The following ZFAT variants were observed in gnomAD, a reference collection of about 807,000 sequenced individuals.
ZFAT encodes zinc finger and AT-hook domain containing.
In ZFAT, 64 loss-of-function variants were observed where a neutral mutation model predicts 117.7. That is an observed-to-expected ratio of 0.54 (90% confidence interval 0.44 to 0.67). ZFAT has a LOEUF of 0.67. ZFAT is among the 30% of genes least tolerant of loss of function. The pLI, the probability that ZFAT is intolerant of heterozygous loss-of-function variation, is 0.00. For synonymous variants in ZFAT, 679 were observed against 615.0 expected (o/e 1.10, Z -1.54); for missense variants, 1,433 against 1,584.5 (o/e 0.90, Z 1.62).
At chr8:134,828,683 T>C in the ZFAT span, among the ~76,000 whole-genome samples, 1 of 152,240 alleles carries the variant, frequency 6.6e-6, no homozygotes, top group South Asian at 2.1e-4. Context: ...ATTCCTTTTT[T>C]TTCTACATAA....
At chr8:134,572,898 C>T (rs918001497) in intron 10 of ZFAT, among the ~76,000 whole-genome samples, 3 of 152,004 alleles carry the variant, frequency 2.0e-5, no homozygotes, top group African/African-American at 7.3e-5. Context: ...TTATTTGACC[C>T]ACAGGCCCAG....
chr8:134,676,492 T>C (rs1477363430), intron 1 of ZFAT, among the ~76,000 whole-genome samples: 1 of 152,110 alleles, frequency 6.6e-6, no homozygotes, highest in Non-Finnish European at 1.5e-5. Context: ...CACACAGTAA[T>C]AGTGGGAAAC....
intron 3 of ZFAT, among the ~76,000 whole-genome samples, chr8:134,613,231 A>T (rs937103371): frequency 5.3e-5 from 8 of 152,232 alleles, no homozygotes; most frequent in African/African-American, 1.7e-4. Flanking sequence ...TGAGAATTAG[A>T]ACTTGCCAGA....
chr8:134,737,300 ATAAAAAT>A, the ZFAT span, among the ~76,000 whole-genome samples: 801 of 122,202 alleles, frequency 6.6e-3, 5 homozygotes, highest in African/African-American at 0.023. Flanking sequence ...GAAAATAAAA[ATAAAAAT>A]AAAAAAATAA....
intron 1 of ZFAT, among the ~76,000 whole-genome samples, chr8:134,676,233 G>T (rs185003880): frequency 3.3e-4 from 28 of 85,902 alleles, no homozygotes; most frequent in African/African-American, 1.1e-3. Context: ...GATGGAGGAA[G>T]ATCTACCAAG....
the ZFAT span, among the ~76,000 whole-genome samples, chr8:134,800,829 C>T: frequency 6.8e-4 from 104 of 152,152 alleles, 1 homozygote; most frequent in East Asian, 0.017. Flanking sequence ...ACTACAGGCA[C>T]GCTACTATGC....
chr8:134,800,383 T>C, the ZFAT span: 1 of 390,838 alleles, frequency 2.6e-6, no homozygotes, highest in Non-Finnish European at 5.0e-6. Context: ...AGCTAGACAA[T>C]TAACACACTT....
chr8:134,533,865 C>A (rs1343597489), intron 11 of ZFAT, among the ~76,000 whole-genome samples: 1 of 152,214 alleles, frequency 6.6e-6, no homozygotes, highest in Non-Finnish European at 1.5e-5. Context: ...ATGGGCATCT[C>A]CATCACTGTC....
At chr8:134,806,999 A>G in the ZFAT span, among the ~76,000 whole-genome samples, 1 of 152,160 alleles carries the variant, frequency 6.6e-6, no homozygotes, top group Non-Finnish European at 1.5e-5. Context: ...TTGCGGGTCA[A>G]TTTTCTATCA....
rs187541215 is a variant in ZFAT, at chr8:134,617,791, G to A, written c.449-7136C>T. 2.6e-5 allele frequency among the ~76,000 whole-genome samples: 4 copies of A among 152,264 alleles called. No individual in the cohort carries two copies. In the East Asian group the frequency reaches 7.7e-4, roughly 29 times the overall value. ...CCCTCTGAGCTGCCGTAAACCACAG[G>A]CTTGATTCACTAAATTGCAGATAGT... On this transcript the variant is annotated intron_variant, in intron 3 of 15. Transcript: ENST00000377838.
At chr8:134,658,103 C>G (rs560765722) in intron 1 of ZFAT, among the ~76,000 whole-genome samples, 1 of 152,128 alleles carries the variant, frequency 6.6e-6, no homozygotes, top group African/African-American at 2.4e-5. Context: ...TTTGGGAGGC[C>G]GAGGCGGGCG....
intron 10 of ZFAT, among the ~76,000 whole-genome samples, chr8:134,569,109 T>C (rs11166598): frequency 0.39 from 59,969 of 151,870 alleles, 12,588 homozygotes; most frequent in Admixed American, 0.54. Context: ...CTAGGTCTAC[T>C]CACTGGACTA....
intron 11 of ZFAT, chr8:134,564,850 A>G: frequency 1.3e-6 from 1 of 741,830 alleles, no homozygotes; most frequent in Non-Finnish European, 1.8e-6. Context: ...AGGCATTAAA[A>G]GAATATGAAA....
At chr8:134,556,520 T>A (rs76987034) in intron 11 of ZFAT, among the ~76,000 whole-genome samples, 1,874 of 151,876 alleles carry the variant, frequency 0.012, 33 homozygotes, top group African/African-American at 0.043. Context: ...CACCTAGACT[T>A]GCTGATGTTA....
the ZFAT span, among the ~76,000 whole-genome samples, chr8:134,752,142 C>T: frequency 1.3e-5 from 2 of 152,220 alleles, no homozygotes; most frequent in Admixed American, 6.5e-5. Flanking sequence ...AGGCCTTCAT[C>T]ACTGCTCACC....
intron 15 of ZFAT, among the ~76,000 whole-genome samples, chr8:134,505,155 C>T (rs571425166): frequency 3.2e-4 from 49 of 152,312 alleles, no homozygotes; most frequent in African/African-American, 1.1e-3. Flanking sequence ...TTACTTATTA[C>T]ATGTATATGG....
intron 3 of ZFAT, among the ~76,000 whole-genome samples, chr8:134,628,561 A>T (rs1468958376): frequency 3.3e-5 from 5 of 152,216 alleles, no homozygotes; most frequent in Admixed American, 3.3e-4. Flanking sequence ...CAGCCAGGGG[A>T]TGCCTAGGAA....
the ZFAT span, among the ~76,000 whole-genome samples, chr8:134,721,953 G>A: frequency 3.9e-5 from 6 of 152,200 alleles, no homozygotes; most frequent in African/African-American, 1.4e-4. Context: ...AATAACATTT[G>A]GAGGACTTCA....
intron 1 of ZFAT, among the ~76,000 whole-genome samples, chr8:134,667,280 C>A (rs1037445471): frequency 2.6e-5 from 4 of 152,022 alleles, no homozygotes; most frequent in Admixed American, 6.6e-5. Flanking sequence ...GATCAGAGGT[C>A]AGGAGATCCA....
Sources: allele counts gnomAD v4.1 joint callset (sites outside exome capture counted in the v4.1 genomes callset), GRCh38; gene constraint gnomAD v4.1.1; transcripts MANE v1.5; gene names NCBI Gene and HGNC (gene_info 2026-07-23, HGNC 2026-07-21).